Variants in ATM observed in about 807,000 individuals in gnomAD.
ATM encodes ATM serine/threonine kinase, also known as serine-protein kinase ATM.
A neutral mutation model predicts 387.0 loss-of-function variants in ATM; 308 were observed. The observed-to-expected ratio is 0.80, with a 90% CI of 0.73 to 0.87. The LOEUF is 0.87. Ranked by LOEUF, ATM falls within the 40% of genes least tolerant of loss-of-function variation. ATM has a pLI of 0.00. For missense variants in ATM, 3,312 were observed against 3,560.9 expected, an observed-to-expected ratio of 0.93 and a Z score of 1.78; for synonymous variants, 1,156 against 1,187.3, an observed-to-expected ratio of 0.97 and a Z score of 0.54.
At chr11:108,259,217 C>A in intron 16 of ATM, 142 bp downstream of exon 16, 1 of 775,560 alleles carries the variant, frequency 1.3e-6, no homozygotes, top group Non-Finnish European at 2.1e-6. Flanking sequence ...AGGCCAGGTG[C>A]GGTGGCTCAT....
Position 108,271,268 on chromosome 11 carries a change from A to G in ATM, c.2939A>G (p.Tyr980Cys). The G allele has an allele frequency of 6.2e-7, 1 of 1,611,402 alleles. No individual in the cohort carries two copies. The highest frequency in any genetic ancestry group is 8.5e-7 in the Non-Finnish European group (1 of 1,179,476). ...LKPLSNVCSLYRRDQDVCKTI... is the reference protein window; with the variant it reads ...LKPLSNVCSLCRRDQDVCKTI... The stretch of plus-strand genomic sequence containing the variant: ...TACCACAGCAATGTGTGTTCTTTGT[A>G]TCGTCGTGACCAAGATGTTTGTAAA... The change falls in exon 20 of 63, where the codon TAT becomes TGT. Residue 980 changes from tyrosine to cysteine, a missense_variant. Transcript: ENST00000675843.
At chr11:108,356,954 A>C (rs2090018478) in intron 61 of ATM, among the ~76,000 whole-genome samples, 2 of 152,240 alleles carry the variant, frequency 1.3e-5, no homozygotes, top group African/African-American at 4.8e-5. Flanking sequence ...AAGATGGCCG[A>C]ATAGGAACAG....
At chr11:108,358,718 T>G (rs1389034256) in intron 61 of ATM, among the ~76,000 whole-genome samples, 2 of 150,198 alleles carry the variant, frequency 1.3e-5, no homozygotes, top group Non-Finnish European at 3.0e-5. Context: ...GAAGTAGAAA[T>G]AAAATACTTT....
intron 4 of ATM, among the ~76,000 whole-genome samples, 177 bp from the exon 5 acceptor site, chr11:108,235,493 T>C (rs754949700): frequency 2.0e-5 from 3 of 151,700 alleles, no homozygotes; most frequent in African/African-American, 4.9e-5. Flanking sequence ...TAAAATGTTA[T>C]TTGCAAAGAA....
At chr11:108,288,758 T>G (rs1206516963) in intron 27 of ATM, among the ~76,000 whole-genome samples, 3 of 152,170 alleles carry the variant, frequency 2.0e-5, no homozygotes, top group African/African-American at 7.2e-5. Context: ...TTTAAGATTA[T>G]TTAAGTTACT....
intron 43 of ATM, among the ~76,000 whole-genome samples, chr11:108,319,681 G>C (rs985567846): frequency 5.3e-5 from 8 of 152,164 alleles, no homozygotes; most frequent in African/African-American, 1.9e-4. Flanking sequence ...CTTGTGCCTA[G>C]TGCCTGGCAC....
At chr11:108,351,601 C>G (rs1002995220) in intron 59 of ATM, among the ~76,000 whole-genome samples, 2 of 152,146 alleles carry the variant, frequency 1.3e-5, no homozygotes, top group Admixed American at 1.3e-4. Flanking sequence ...ACTTACATGT[C>G]TGATGCTTCA....
intron 34 of ATM, among the ~76,000 whole-genome samples, 163 bp downstream of exon 34, chr11:108,300,048 C>T (rs1296020842): frequency 1.3e-5 from 2 of 152,144 alleles, no homozygotes; most frequent in African/African-American, 4.8e-5. Context: ...TAATTATTTA[C>T]CCTACTATGT....
chr11:108,233,462 A>C (rs1373566571), intron 4 of ATM, among the ~76,000 whole-genome samples: 2 of 149,744 alleles, frequency 1.3e-5, no homozygotes, highest in Non-Finnish European at 3.0e-5. Flanking sequence ...CCAGCTACTT[A>C]GGAGGCTTAG....
At chr11:108,359,010 A>C (rs1352829839) in intron 61 of ATM, among the ~76,000 whole-genome samples, 12 of 151,518 alleles carry the variant, frequency 7.9e-5, no homozygotes, top group Non-Finnish European at 1.6e-4. Flanking sequence ...CAAATTGGAT[A>C]AAGAGTCAAG....
intron 12 of ATM, 99 bp downstream of exon 12, chr11:108,253,011 A>C (rs2080237996): frequency 1.8e-6 from 2 of 1,101,452 alleles, no homozygotes. Context: ...AATAATTGTA[A>C]ACTAAATTGG....
intron 43 of ATM, among the ~76,000 whole-genome samples, chr11:108,317,763 C>A (rs1293709743): frequency 6.7e-6 from 1 of 150,222 alleles, no homozygotes; most frequent in African/African-American, 2.4e-5. Context: ...CTATAGATAG[C>A]CCTAAATCCT....
chr11:108,331,939 G>A lies in ATM; in HGVS notation c.7690G>A (p.Ala2564Thr), dbSNP rs940285361. 3 of 1,613,774 alleles carry A rather than the reference G, an allele frequency of 1.9e-6. No homozygotes were observed. The African/African-American group carries it at 4.0e-5, about 22-fold the overall frequency. Residue 2564 changes from alanine (A) to threonine (T), a missense_variant, in exon 52 of 63, where the codon GCA becomes ACA. This residue lies in a region of ATM where 1,405 missense variants were observed against 1,604.4 expected (regional missense o/e 0.88). Transcript: ENST00000675843. ...CACTTTGTTTATTATACTGGCCTTA[G>A]CAAATGCAAACAGAGATGAATTTCT... The part of the protein sequence containing the change: ...HHTLFIILAL[A>T]NANRDEFLTK...
At chr11:108,301,600 A>G (rs2083431956) in intron 34 of ATM, 48 bp from the exon 35 acceptor site, 6 of 1,611,372 alleles carry the variant, frequency 3.7e-6, no homozygotes, top group Non-Finnish European at 4.2e-6. Flanking sequence ...ACATTCATCA[A>G]GATTAATAAC....
Position 108,312,463 on chromosome 11 carries a change from G to A in ATM, c.5971G>A (p.Glu1991Lys), listed in dbSNP as rs786203404. The change falls in exon 40 of 63, where the codon GAA becomes AAA. Residue 1991 changes from glutamate to lysine, a missense_variant. Physicochemically the swap from Glu to Lys is moderately conservative, Grantham distance 56. Around this residue, in one of 4 missense-constraint regions of ATM, gnomAD observed 1,405 missense variants for 1,604.4 expected, o/e 0.88. Coordinates refer to ENST00000675843, the MANE Select transcript of ATM (RefSeq NM_000051.4). ...GAGTACAACTATTTCTAGCTTGAGTGAAAAAAGTAAAGAAGAAACTGGAAT... is the reference window on the plus strand; with the variant it reads ...GAGTACAACTATTTCTAGCTTGAGTAAAAAAAGTAAAGAAGAAACTGGAAT... Reference protein sequence around the residue: ...SQSTTISSLSEKSKEETGISL... With the variant: ...SQSTTISSLSKKSKEETGISL... 9 of 1,594,230 alleles carry A rather than the reference G, an allele frequency of 5.6e-6. No individual in the cohort carries two copies. Among genetic ancestry groups the A allele is most frequent in the Non-Finnish European group, 7.7e-6 (9 of 1,162,550 alleles).
At position 108,366,233 on chromosome 11, in the gene ATM, T is replaced by C. The variant is rs2091323803; in HGVS notation, c.*725T>C. 1 of 197,414 alleles carries C rather than the reference T, an allele frequency of 5.1e-6. No individual in the cohort carries two copies. Among genetic ancestry groups the C allele is most frequent in the African/African-American group, 2.3e-5 (1 of 43,458 alleles). The allele number at this position is 197,414 out of a possible 1,614,324, so 12.2% of individuals were successfully genotyped here. On this transcript the variant is annotated 3_prime_UTR_variant, in exon 63 of 63. Coordinates refer to ENST00000675843, the MANE Select transcript of ATM (RefSeq NM_000051.4). ...TCTGTACTGTCCATGTATGTTATCT[T>C]TCTGTGATAACTTCATAGATTGCCT...
At chr11:108,302,764 C>T in intron 35 of ATM, 89 bp from the exon 36 acceptor site, 2 of 1,252,846 alleles carry the variant, frequency 1.6e-6, no homozygotes, top group South Asian at 1.3e-5. Flanking sequence ...TAGCTTTATT[C>T]AGAAAGATTT....
At chr11:108,313,084 T>C (rs1158768620) in intron 40 of ATM, among the ~76,000 whole-genome samples, 2 of 152,220 alleles carry the variant, frequency 1.3e-5, no homozygotes, top group Admixed American at 6.5e-5. Context: ...CACATCCCAC[T>C]CTCAAACATT....
At chr11:108,303,653 A>G (rs2083537082) in intron 36 of ATM, among the ~76,000 whole-genome samples, 1 of 152,152 alleles carries the variant, frequency 6.6e-6, no homozygotes, top group African/African-American at 2.4e-5. Flanking sequence ...TATTTTCGTA[A>G]TGTACTCACA....
Sources: gnomAD v4.1 joint callset for allele counts (sites outside exome capture counted in the v4.1 genomes callset) on GRCh38, gnomAD v4.1.1 for gene constraint, gnomAD v4.1.1 regional missense constraint, MANE v1.5 for transcripts, NCBI Gene and HGNC (gene_info 2026-07-23, HGNC 2026-07-21) for gene names.